Variants in UBE3D observed in about 807,000 individuals in gnomAD.
The protein encoded by UBE3D is ubiquitin protein ligase E3D.
UBE3D carries 48 observed loss-of-function variants against 49.6 expected under a neutral mutation model. The ratio of observed to expected loss-of-function variants is 0.97; its 90% CI spans 0.77 to 1.23. The LOEUF (loss-of-function observed/expected upper bound fraction) is 1.23. Ranked by LOEUF, UBE3D falls within the 50% of genes most tolerant of loss-of-function variation. UBE3D has a pLI of 0.00. For synonymous variants in UBE3D, 189 were observed against 174.2 expected, an observed-to-expected ratio of 1.08 and a Z score of -0.67; for missense variants, 452 against 468.4, an observed-to-expected ratio of 0.96 and a Z score of 0.32.
intron 8 of UBE3D, among the ~76,000 whole-genome samples, chr6:82,967,483 T>TCCCTACC (rs1777031548): frequency 6.6e-6 from 1 of 152,070 alleles, no homozygotes; most frequent in Non-Finnish European, 1.5e-5. Flanking sequence ...TCGCCTCCAC[T>TCCCTACC]CCCTACCCCC....
intron 2 of UBE3D, among the ~76,000 whole-genome samples, chr6:83,055,437 T>C (rs1156449982): frequency 6.6e-6 from 1 of 152,202 alleles, no homozygotes; most frequent in East Asian, 1.9e-4. Context: ...GAAATCCCTA[T>C]AGCACTAAGG....
rs77728841 is a variant in UBE3D, at chr6:82,915,972, G to C, written c.1150-22930C>G. The stretch of plus-strand genomic sequence containing the variant: ...AACAGAGCACTGGGCTGGGAGATAA[G>C]AGCCTGGTCTCTAATAGTCATTGAA... On this transcript the variant is annotated intron_variant, in intron 9 of 9. Transcript: ENST00000369747. 1.5e-3 allele frequency among the ~76,000 whole-genome samples: 230 copies of C among 152,278 alleles called. 5 individuals are homozygous for C. In the East Asian group the frequency reaches 0.042, roughly 28 times the overall value.
intron 8 of UBE3D, among the ~76,000 whole-genome samples, chr6:82,993,937 TTCATTAA>T (rs886152686): frequency 1.3e-5 from 2 of 152,200 alleles, no homozygotes; most frequent in African/African-American, 4.8e-5. Flanking sequence ...CTATTTTGAC[TTCATTAA>T]TCTAGAAACA....
intron 9 of UBE3D, among the ~76,000 whole-genome samples, chr6:82,952,159 A>G (rs1775847611): frequency 1.3e-5 from 2 of 152,164 alleles, no homozygotes; most frequent in African/African-American, 4.8e-5. Flanking sequence ...AGAGGTTAAC[A>G]TTATTTAGTG....
At chr6:82,922,580 C>T (rs1047007568) in intron 9 of UBE3D, among the ~76,000 whole-genome samples, 33 of 151,950 alleles carry the variant, frequency 2.2e-4, no homozygotes, top group Non-Finnish European at 4.1e-4. Flanking sequence ...TAAAAATCAA[C>T]TCAAGATGGA....
At chr6:82,882,598 T>C in the UBE3D span, among the ~76,000 whole-genome samples, 1 of 152,152 alleles carries the variant, frequency 6.6e-6, no homozygotes, top group Non-Finnish European at 1.5e-5. Flanking sequence ...GGAAAAGACA[T>C]TGTTCTCTGT....
intron 8 of UBE3D, among the ~76,000 whole-genome samples, chr6:82,960,844 G>T (rs1776497072): frequency 6.6e-6 from 1 of 152,006 alleles, no homozygotes; most frequent in Non-Finnish European, 1.5e-5. Context: ...ACTGACATTT[G>T]TATGTTCAAT....
chr6:83,064,451 C>A (rs562438361), intron 1 of UBE3D, among the ~76,000 whole-genome samples: 14 of 152,224 alleles, frequency 9.2e-5, no homozygotes, highest in African/African-American at 3.1e-4. Flanking sequence ...TGGTCTTGAT[C>A]TCTTGACCTC....
chr6:82,997,266 T>A (rs918420780), intron 8 of UBE3D, among the ~76,000 whole-genome samples: 2 of 152,018 alleles, frequency 1.3e-5, no homozygotes, highest in African/African-American at 2.4e-5. Context: ...AAAGAAAAAT[T>A]TAAAATAATT....
At chr6:82,923,443 G>A (rs1773506042) in intron 9 of UBE3D, among the ~76,000 whole-genome samples, 1 of 152,136 alleles carries the variant, frequency 6.6e-6, no homozygotes, top group African/African-American at 2.4e-5. Context: ...ATCATTCTCA[G>A]CAAACGATCA....
intron 9 of UBE3D, among the ~76,000 whole-genome samples, chr6:82,944,931 C>A (rs1225255871): frequency 6.6e-6 from 1 of 152,188 alleles, no homozygotes; most frequent in Non-Finnish European, 1.5e-5. Flanking sequence ...GTTCAAGGAC[C>A]AGCTAAGCCA....
At chr6:82,985,364 T>A (rs941974049) in intron 8 of UBE3D, among the ~76,000 whole-genome samples, 1 of 151,926 alleles carries the variant, frequency 6.6e-6, no homozygotes. Flanking sequence ...TTGTTTTGTT[T>A]TGTTTTGTTT....
intron 8 of UBE3D, among the ~76,000 whole-genome samples, chr6:82,965,583 CAAAAAAAA>C (rs35257086): frequency 1.2e-5 from 1 of 86,358 alleles, no homozygotes; most frequent in Non-Finnish European, 2.3e-5. Flanking sequence ...AACTCCATCT[CAAAAAAAA>C]AAAAAAAAAA....
At chr6:82,886,268 G>A in the UBE3D span, among the ~76,000 whole-genome samples, 1 of 151,344 alleles carries the variant, frequency 6.6e-6, no homozygotes, top group African/African-American at 2.4e-5. Context: ...GTGGTGGAAG[G>A]GGGATGAAAC....
chr6:82,924,287 A>T (rs1291998840), intron 9 of UBE3D, among the ~76,000 whole-genome samples: 14 of 152,308 alleles, frequency 9.2e-5, no homozygotes, highest in African/African-American at 3.1e-4. Context: ...AGTTACTTGG[A>T]TGAAATATAG....
chr6:82,971,088 G>A (rs572259995), intron 8 of UBE3D, among the ~76,000 whole-genome samples: 1 of 152,064 alleles, frequency 6.6e-6, no homozygotes, highest in South Asian at 2.1e-4. Context: ...AGTAAGGATC[G>A]CTGCTTTTCA....
At position 82,902,656 on chromosome 6, in the gene UBE3D, G is replaced by T. The variant is rs115271826; in HGVS notation, c.1150-9614C>A. ...GGGTGTGATTATTAAAGTGCAACAG[G>T]AGGGATTCCTGTGTTGATAGAACTG... On this transcript the variant is annotated intron_variant, in intron 9 of 9. Transcript: ENST00000369747. Among the ~76,000 whole-genome samples the T allele has an allele frequency of 7.4e-3, 1,121 of 152,296 alleles. 8 individuals are homozygous for T. Among genetic ancestry groups the T allele is most frequent in the Middle Eastern group, 0.017 (5 of 294 alleles).
chr6:82,952,214 C>T (rs1775853330), intron 9 of UBE3D, among the ~76,000 whole-genome samples: 1 of 151,978 alleles, frequency 6.6e-6, no homozygotes, highest in Non-Finnish European at 1.5e-5. Flanking sequence ...CTTCATGTTC[C>T]TCTACTTATT....
intron 8 of UBE3D, among the ~76,000 whole-genome samples, chr6:82,979,280 T>C (rs916673611): frequency 6.6e-6 from 1 of 152,202 alleles, no homozygotes; most frequent in Admixed American, 6.5e-5. Flanking sequence ...TTATCATTAG[T>C]GCTTCTCTGA....
Sources: gnomAD v4.1 joint callset for allele counts (sites outside exome capture counted in the v4.1 genomes callset) on GRCh38, gnomAD v4.1.1 for gene constraint, MANE v1.5 for transcripts, NCBI Gene and HGNC (gene_info 2026-07-23, HGNC 2026-07-21) for gene names.